The following JAZF1 variants were observed in gnomAD, a reference collection of about 807,000 sequenced individuals.
The protein encoded by JAZF1 is JAZF zinc finger 1.
In JAZF1, 8 loss-of-function variants were observed where a neutral mutation model predicts 26.4. The ratio of observed to expected loss-of-function variants is 0.30; its 90% CI spans 0.18 to 0.55. The LOEUF (loss-of-function observed/expected upper bound fraction) is 0.55, where lower values mean the gene tolerates loss of function less well. Ranked by LOEUF, JAZF1 falls within the 20% of genes least tolerant of loss-of-function variation. The pLI is 0.94. For synonymous variants in JAZF1, 126 were observed against 122.3 expected, an observed-to-expected ratio of 1.03 and a Z score of -0.20; for missense variants, 199 against 322.0, an observed-to-expected ratio of 0.62 and a Z score of 2.92.
chr7:27,883,706 G>A (rs1208058413), intron 3 of JAZF1, among the ~76,000 whole-genome samples: 1 of 152,188 alleles, frequency 6.6e-6, no homozygotes, highest in African/African-American at 2.4e-5. Flanking sequence ...AACACTTTGG[G>A]TATTGGAAGA....
intron 3 of JAZF1, among the ~76,000 whole-genome samples, chr7:27,848,590 G>A (rs780065783): frequency 4.6e-5 from 7 of 152,192 alleles, no homozygotes; most frequent in Admixed American, 6.5e-5. Context: ...CGACAGTAGG[G>A]TGGAGAGTCA....
At chr7:27,999,283 A>G (rs955726252) in intron 1 of JAZF1, among the ~76,000 whole-genome samples, 2 of 152,174 alleles carry the variant, frequency 1.3e-5, no homozygotes, top group African/African-American at 4.8e-5. Flanking sequence ...ATAAATATAC[A>G]TGCCTGCTTT....
intron 1 of JAZF1, among the ~76,000 whole-genome samples, chr7:28,124,811 G>T (rs1782669500): frequency 6.6e-6 from 1 of 152,130 alleles, no homozygotes; most frequent in African/African-American, 2.4e-5. Context: ...TGAGCATTTT[G>T]ATCAGATCAA....
intron 2 of JAZF1, among the ~76,000 whole-genome samples, chr7:27,968,709 G>A (rs1348228598): frequency 6.6e-6 from 1 of 152,094 alleles, no homozygotes; most frequent in African/African-American, 2.4e-5. Context: ...TATTCCCGCT[G>A]TCTAGCAAAG....
intron 2 of JAZF1, among the ~76,000 whole-genome samples, chr7:27,926,668 G>A (rs1784604393): frequency 6.6e-6 from 1 of 152,198 alleles, no homozygotes; most frequent in South Asian, 2.1e-4. Context: ...CAGTGATGTA[G>A]ACAAAAAGAA....
intron 1 of JAZF1, among the ~76,000 whole-genome samples, chr7:28,094,533 C>A (rs1397761472): frequency 6.6e-6 from 1 of 152,112 alleles, no homozygotes; most frequent in African/African-American, 2.4e-5. Flanking sequence ...TTTTTTGCGA[C>A]CCTATACACA....
chr7:27,951,403 C>A (rs1755943473), intron 2 of JAZF1, among the ~76,000 whole-genome samples: 1 of 152,044 alleles, frequency 6.6e-6, no homozygotes, highest in Non-Finnish European at 1.5e-5. Context: ...ATTTTTTTGC[C>A]AGGTTCTAAG....
At chr7:27,885,198 A>G (rs973488262) in intron 3 of JAZF1, among the ~76,000 whole-genome samples, 1 of 152,214 alleles carries the variant, frequency 6.6e-6, no homozygotes, top group Non-Finnish European at 1.5e-5. Context: ...GATAGCACAA[A>G]GGGGTGTCCC....
chr7:27,943,323 G>A (rs981422381), intron 2 of JAZF1, among the ~76,000 whole-genome samples: 1 of 152,212 alleles, frequency 6.6e-6, no homozygotes, highest in African/African-American at 2.4e-5. Context: ...CACCCAGGTT[G>A]TGATAAGGCT....
intron 1 of JAZF1, among the ~76,000 whole-genome samples, chr7:28,122,281 T>C (rs779053799): frequency 1.3e-5 from 2 of 152,168 alleles, no homozygotes; most frequent in Non-Finnish European, 2.9e-5. Context: ...TGTTTCAGTT[T>C]TTCCTCCCCT....
At chr7:27,926,988 G>A (rs1421780936) in intron 2 of JAZF1, among the ~76,000 whole-genome samples, 5 of 152,182 alleles carry the variant, frequency 3.3e-5, no homozygotes, top group South Asian at 2.1e-4. Flanking sequence ...ACATCTCCCC[G>A]GGAGTTCTTC....
At chr7:27,892,469 G>C (rs769698366) in intron 3 of JAZF1, among the ~76,000 whole-genome samples, 12 of 152,046 alleles carry the variant, frequency 7.9e-5, no homozygotes, top group Non-Finnish European at 1.5e-4. Flanking sequence ...TATTTTCATG[G>C]GGTCCTAGGC....
At chr7:27,921,282 G>C (rs541606944) in intron 2 of JAZF1, among the ~76,000 whole-genome samples, 67 of 151,976 alleles carry the variant, frequency 4.4e-4, no homozygotes, top group African/African-American at 1.4e-3. Context: ...CAGACTGCCT[G>C]CTGGAAGCAT....
At chr7:28,148,122 G>C (rs1168553182) in intron 1 of JAZF1, among the ~76,000 whole-genome samples, 1 of 151,662 alleles carries the variant, frequency 6.6e-6, no homozygotes, top group South Asian at 2.1e-4. Flanking sequence ...CCAGGCTGGA[G>C]TGCAGTGGCA....
intron 3 of JAZF1, among the ~76,000 whole-genome samples, chr7:27,846,214 G>A (rs1452131281): frequency 6.6e-6 from 1 of 151,854 alleles, no homozygotes; most frequent in Non-Finnish European, 1.5e-5. Context: ...CTATTTTTCT[G>A]TGTCTGGCTT....
At chr7:27,968,381 G>A (rs760093847) in intron 2 of JAZF1, among the ~76,000 whole-genome samples, 1 of 152,136 alleles carries the variant, frequency 6.6e-6, no homozygotes, top group African/African-American at 2.4e-5. Context: ...GCTTATATAA[G>A]GTAGAATTCC....
intron 3 of JAZF1, among the ~76,000 whole-genome samples, chr7:27,860,728 G>A (rs1783365289): frequency 1.3e-5 from 2 of 152,184 alleles, no homozygotes; most frequent in South Asian, 4.1e-4. Flanking sequence ...CAGCTGGCCA[G>A]GGTCTGTGTT....
At chr7:28,073,831 T>A (rs1035602687) in intron 1 of JAZF1, among the ~76,000 whole-genome samples, 2 of 152,036 alleles carry the variant, frequency 1.3e-5, no homozygotes, top group East Asian at 3.9e-4. Context: ...GATAGTCTCA[T>A]GATTACATGG....
chr7:28,144,487 C>T lies in JAZF1; in HGVS notation c.115+35976G>A, dbSNP rs114853911. On this transcript the variant is annotated intron_variant, in intron 1 of 4. Coordinates refer to ENST00000283928, the MANE Select transcript of JAZF1 (RefSeq NM_175061.4). Reference sequence around the variant, plus strand: ...CAGGAAACAATGGGAGCAGCAGTCTCGCTCCAGAGTCTCAGGCCCTGCCTG... The same window carrying T: ...CAGGAAACAATGGGAGCAGCAGTCTTGCTCCAGAGTCTCAGGCCCTGCCTG... Among the ~76,000 whole-genome samples the T allele has an allele frequency of 4.8e-3, 737 of 152,360 alleles. 6 individuals carry two copies. The highest frequency in any genetic ancestry group is 0.017 in the African/African-American group (708 of 41,596).
Sources: gnomAD v4.1 joint callset for allele counts (sites outside exome capture counted in the v4.1 genomes callset) on GRCh38, gnomAD v4.1.1 for gene constraint, MANE v1.5 for transcripts, NCBI Gene and HGNC (gene_info 2026-07-23, HGNC 2026-07-21) for gene names.